CSMD1: variants seen among roughly 807,000 people sequenced by gnomAD.
The protein encoded by CSMD1 is CUB and sushi domain-containing protein 1.
A neutral mutation model predicts 417.5 loss-of-function variants in CSMD1; 213 were observed. The ratio of observed to expected loss-of-function variants is 0.51; its 90% CI spans 0.46 to 0.57. The LOEUF (loss-of-function observed/expected upper bound fraction) is 0.57. CSMD1 is among the 20% of genes least tolerant of loss of function. The pLI is 0.00. For missense variants in CSMD1, 6,923 were observed against 4,529.7 expected, an observed-to-expected ratio of 1.53 and a Z score of -15.17; for synonymous variants, 2,862 against 1,736.8, an observed-to-expected ratio of 1.65 and a Z score of -16.11.
At chr8:3,382,113 G>C (rs1464298639) in intron 18 of CSMD1, among the ~76,000 whole-genome samples, 1 of 152,002 alleles carries the variant, frequency 6.6e-6, no homozygotes, top group Non-Finnish European at 1.5e-5. Context: ...ACAAAAATTA[G>C]CTGGGCATGG....
chr8:4,447,251 T>A (rs908591259), intron 2 of CSMD1, among the ~76,000 whole-genome samples: 2 of 152,224 alleles, frequency 1.3e-5, no homozygotes, highest in African/African-American at 4.8e-5. Flanking sequence ...GCTTACGTTA[T>A]AGCAGGTTAG....
chr8:3,618,890 G>A (rs532069292), intron 7 of CSMD1, among the ~76,000 whole-genome samples: 481 of 152,312 alleles, frequency 3.2e-3, no homozygotes, highest in Non-Finnish European at 5.8e-3. Flanking sequence ...GAAGCAGAGA[G>A]AAAGTGGCTG....
At chr8:3,797,468 T>C (rs1322731828) in intron 5 of CSMD1, among the ~76,000 whole-genome samples, 1 of 151,962 alleles carries the variant, frequency 6.6e-6, no homozygotes, top group African/African-American at 2.4e-5. Context: ...TTTCTGGTTT[T>C]ATTACCATAA....
At chr8:4,406,161 A>G (rs1805003918) in intron 3 of CSMD1, among the ~76,000 whole-genome samples, 1 of 152,202 alleles carries the variant, frequency 6.6e-6, no homozygotes, top group African/African-American at 2.4e-5. Flanking sequence ...CACACATTAG[A>G]ATTTAGATAT....
At chr8:2,979,597 C>T (rs1805237010) in intron 54 of CSMD1, among the ~76,000 whole-genome samples, 2 of 152,232 alleles carry the variant, frequency 1.3e-5, no homozygotes, top group South Asian at 4.1e-4. Context: ...CTCAGAAAAG[C>T]ACTGTGCAAA....
intron 1 of CSMD1, among the ~76,000 whole-genome samples, chr8:4,777,675 T>G (rs1265591284): frequency 6.6e-6 from 1 of 152,224 alleles, no homozygotes; most frequent in Non-Finnish European, 1.5e-5. Flanking sequence ...GATTGCAGTT[T>G]TGCCGTTAAA....
intron 59 of CSMD1, among the ~76,000 whole-genome samples, chr8:2,964,779 G>T (rs1472971696): frequency 6.6e-6 from 1 of 152,168 alleles, no homozygotes; most frequent in Admixed American, 6.5e-5. Context: ...ACTGGGAGAC[G>T]AAAGCAGGAT....
At chr8:4,550,648 C>A in intron 2 of CSMD1, among the ~76,000 whole-genome samples, 1 of 152,278 alleles carries the variant, frequency 6.6e-6, no homozygotes, top group Non-Finnish European at 1.5e-5. Flanking sequence ...AAAAGGATCT[C>A]TAACAGTTTA....
intron 21 of CSMD1, among the ~76,000 whole-genome samples, chr8:3,355,604 T>C (rs1025415890): frequency 2.6e-5 from 4 of 152,086 alleles, no homozygotes; most frequent in African/African-American, 7.2e-5. Flanking sequence ...AACTGCACGA[T>C]GTGGGGCTAC....
At chr8:3,424,237 C>T (rs978900963) in intron 12 of CSMD1, among the ~76,000 whole-genome samples, 1 of 152,098 alleles carries the variant, frequency 6.6e-6, no homozygotes, top group Non-Finnish European at 1.5e-5. Flanking sequence ...TAATGAAATA[C>T]ACCATGATTC....
At chr8:3,005,891 T>C (rs1807846439) in intron 52 of CSMD1, among the ~76,000 whole-genome samples, 1 of 152,050 alleles carries the variant, frequency 6.6e-6, no homozygotes, top group African/African-American at 2.4e-5. Context: ...TCACCACTCC[T>C]ATTCAACATA....
chr8:3,641,294 C>G (rs901852039), intron 7 of CSMD1, among the ~76,000 whole-genome samples: 1 of 152,110 alleles, frequency 6.6e-6, no homozygotes, highest in Admixed American at 6.6e-5. Context: ...TCCCAGCCTC[C>G]TGTGCAGGTG....
At chr8:4,861,890 A>G (rs1802157666) in intron 1 of CSMD1, among the ~76,000 whole-genome samples, 1 of 152,134 alleles carries the variant, frequency 6.6e-6, no homozygotes, top group African/African-American at 2.4e-5. Context: ...AGACAGAGGG[A>G]GAACCTGAAG....
intron 3 of CSMD1, among the ~76,000 whole-genome samples, chr8:4,043,523 CA>C (rs1797998100): frequency 6.6e-6 from 1 of 152,188 alleles, no homozygotes; most frequent in South Asian, 2.1e-4. Context: ...AAATAGATAA[CA>C]GTAAAATAAT....
chr8:3,594,533 G>C (rs1348775740), intron 8 of CSMD1, among the ~76,000 whole-genome samples: 1 of 152,128 alleles, frequency 6.6e-6, no homozygotes, highest in African/African-American at 2.4e-5. Context: ...GTCCAGGAAT[G>C]TTTTTCAAAG....
rs1308880014 is a variant in CSMD1 at position 3,795,727 on chromosome 8, T to TCATGTACAGCTATAGATAC, written c.819-41686_819-41685insGTATCTATAGCTGTACATG. Among the ~76,000 whole-genome samples, 78 of 46,762 alleles carry TCATGTACAGCTATAGATAC rather than the reference T, an allele frequency of 1.7e-3. 30 individuals carry two copies. The highest frequency in any genetic ancestry group is 2.7e-3 in the Non-Finnish European group (60 of 22,174). 30.7% of individuals were successfully genotyped at this position (46,762 alleles called of 152,430 possible). On this transcript the variant is annotated intron_variant, in intron 5 of 69. Transcript: ENST00000635120. ...TATCTATCAAGTACAGCTATAGATA[T>TCATGTACAGCTATAGATAC]CTATCATGTACAGCTATAGATACCT... is the stretch of plus-strand genomic sequence containing the variant.
chr8:3,488,002 C>A (rs1322469515), intron 11 of CSMD1, among the ~76,000 whole-genome samples: 1 of 148,490 alleles, frequency 6.7e-6, no homozygotes, highest in African/African-American at 2.5e-5. Context: ...AAAAAAAAGA[C>A]CCTACAAACG....
intron 7 of CSMD1, among the ~76,000 whole-genome samples, chr8:3,634,481 G>C (rs576968537): frequency 6.6e-6 from 1 of 152,150 alleles, no homozygotes; most frequent in Non-Finnish European, 1.5e-5. Context: ...ACTGGGAGTG[G>C]ACAACCGCAA....
rs571018971 is a variant in CSMD1, at chr8:4,652,203, C to G, written c.86-14645G>C. Among the ~76,000 whole-genome samples, 27 of 152,124 alleles carry G rather than the reference C, an allele frequency of 1.8e-4. No homozygotes were observed. The South Asian group carries it at 5.4e-3, about 30-fold the overall frequency. On this transcript the variant is annotated intron_variant, in intron 1 of 69. Transcript: ENST00000635120. ...AGGGATTGCATTAAATAGGAGTCTT[C>G]AAAAGAACCATAAAAATCAAAGGAT...
Sources: allele counts gnomAD v4.1 joint callset (sites outside exome capture counted in the v4.1 genomes callset), GRCh38; gene constraint gnomAD v4.1.1; transcripts MANE v1.5; gene names NCBI Gene and HGNC (gene_info 2026-07-23, HGNC 2026-07-21).